The following CARMIL1 variants were observed in gnomAD, a reference collection of about 807,000 sequenced individuals.
CARMIL1 encodes F-actin-uncapping protein LRRC16A.
In CARMIL1, 90 loss-of-function variants were observed where a neutral mutation model predicts 177.1. That is an observed-to-expected ratio of 0.51 (90% CI 0.43 to 0.61). The LOEUF is 0.61. CARMIL1 is among the 20% of genes least tolerant of loss of function. CARMIL1 has a pLI of 0.00. For synonymous variants in CARMIL1, 577 were observed against 606.2 expected, an observed-to-expected ratio of 0.95 and a Z score of 0.71; for missense variants, 1,380 against 1,667.0, an observed-to-expected ratio of 0.83 and a Z score of 3.00.
At position 25,577,207 on chromosome 6, in the gene CARMIL1, C is replaced by G. The variant is rs1812667746; in HGVS notation, c.2743-3717C>G. Reference sequence around the variant, plus strand: ...AACAGGCGATGAATTTAAAATATCTCCAGCCATGTGCCTGAAAGCAAGCAG... The same window carrying G: ...AACAGGCGATGAATTTAAAATATCTGCAGCCATGTGCCTGAAAGCAAGCAG... On this transcript the variant is annotated intron_variant, in intron 29 of 36. Coordinates refer to ENST00000329474, the MANE Select transcript of CARMIL1 (RefSeq NM_017640.6). The surrounding 1 kb of genome is among the most constrained non-coding windows in gnomAD (Gnocchi z 4.5). 1.3e-6 allele frequency: 1 copy of G among 788,190 alleles called. No homozygotes were observed. The highest frequency in any genetic ancestry group is 5.8e-5 in the South Asian group (1 of 17,310). 48.8% of individuals were successfully genotyped at this position (788,190 alleles called of 1,614,324 possible). A position where few individuals can be genotyped will look rare whatever the true frequency, so the allele number is the denominator to read the frequency against.
At chr6:25,548,932 T>C (rs1809790011) in intron 26 of CARMIL1, among the ~76,000 whole-genome samples, 1 of 152,170 alleles carries the variant, frequency 6.6e-6, no homozygotes, top group Non-Finnish European at 1.5e-5. Context: ...AGAGTTGTCA[T>C]GTGGATGAAA....
intron 2 of CARMIL1, among the ~76,000 whole-genome samples, chr6:25,291,690 G>T (rs767970488): frequency 1.3e-5 from 2 of 152,112 alleles, no homozygotes; most frequent in Non-Finnish European, 2.9e-5. Context: ...AATGTTTTGG[G>T]ATTGTATTTT....
intron 2 of CARMIL1, among the ~76,000 whole-genome samples, chr6:25,397,504 G>C (rs1422648741): frequency 1.3e-5 from 2 of 152,200 alleles, no homozygotes; most frequent in African/African-American, 4.8e-5. Flanking sequence ...AAGGGGTAGA[G>C]GGTAAGCAAT....
intron 2 of CARMIL1, among the ~76,000 whole-genome samples, chr6:25,329,235 G>T (rs1398651342): frequency 2.6e-5 from 4 of 152,098 alleles, no homozygotes; most frequent in Non-Finnish European, 4.4e-5. Flanking sequence ...AAAAAAGAAA[G>T]TTGGATCTGG....
At position 25,495,301 on chromosome 6, in the gene CARMIL1, A is replaced by C. The variant is rs983422862; in HGVS notation, c.1325+86A>C. 7 of 894,198 alleles carry C rather than the reference A, an allele frequency of 7.8e-6. No individual in the cohort carries two copies. In the South Asian group the frequency reaches 1.1e-4, roughly 14 times the overall value. The allele number at this position is 894,198 out of a possible 1,614,324, so 55.4% of individuals were successfully genotyped here. On this transcript the variant is annotated intron_variant, in intron 16 of 36. Transcript: ENST00000329474. The stretch of plus-strand genomic sequence containing the variant: ...CTTGAGGGAAGGGAGAAAGATATAT[A>C]ATCCAAAGACAAAAACCACAGATGA...
chr6:25,374,911 T>A (rs962888441), intron 2 of CARMIL1, among the ~76,000 whole-genome samples: 14 of 152,208 alleles, frequency 9.2e-5, no homozygotes, highest in Admixed American at 2.0e-4. Context: ...ATAAGAATCC[T>A]TTCATGTTAG....
chr6:25,279,534 G>A lies in CARMIL1; in HGVS notation c.-262G>A, dbSNP rs548322408. ...CCCGCGCCCGCTTGTAATCCGGTCCGCTCCTTATTCAGCCGCCGGGAACTG... is the reference window on the plus strand; with the variant it reads ...CCCGCGCCCGCTTGTAATCCGGTCCACTCCTTATTCAGCCGCCGGGAACTG... On this transcript the variant is annotated 5_prime_UTR_variant, in exon 1 of 37. Transcript: ENST00000329474. The A allele has an allele frequency of 7.6e-3, 4,214 of 555,766 alleles. 27 individuals carry two copies. Among genetic ancestry groups the A allele is most frequent in the Middle Eastern group, 0.014 (28 of 2,042 alleles). 34.4% of individuals were successfully genotyped at this position (555,766 alleles called of 1,614,324 possible).
At chr6:25,569,774 TCTC>T (rs1429034752) in intron 29 of CARMIL1, among the ~76,000 whole-genome samples, 5 of 152,192 alleles carry the variant, frequency 3.3e-5, no homozygotes, top group African/African-American at 1.2e-4. Flanking sequence ...ATTTAAGTCT[TCTC>T]CTAAACTCCT....
intron 5 of CARMIL1, among the ~76,000 whole-genome samples, chr6:25,436,016 A>C (rs569678654): frequency 6.6e-6 from 1 of 152,086 alleles, no homozygotes; most frequent in Admixed American, 6.6e-5. Context: ...TTGCTTTTTT[A>C]TTTTCAGGAA....
In CARMIL1 at chr6:25,326,863, G is replaced by A. The variant is rs142780755; in HGVS notation, c.138+41954G>A. Among the ~76,000 whole-genome samples the A allele has an allele frequency of 2.6e-3, 397 of 152,188 alleles. 3 individuals are homozygous for A. Among genetic ancestry groups the A allele is most frequent in the African/African-American group, 9.1e-3 (379 of 41,520 alleles). ...CAAGACGGAATCCCACTGTCACCCA[G>A]GCTGGAGTGCAGTGGCATGATCTTG... On this transcript the variant is annotated intron_variant, in intron 2 of 36. Transcript: ENST00000329474. The surrounding 1 kb of genome is among the most constrained non-coding windows in gnomAD (Gnocchi z 4.2).
At chr6:25,528,180 T>A (rs1807356602) in intron 23 of CARMIL1, among the ~76,000 whole-genome samples, 1 of 152,208 alleles carries the variant, frequency 6.6e-6, no homozygotes, top group African/African-American at 2.4e-5. Context: ...ATCTATTTTT[T>A]ATTTGCTATA....
chr6:25,461,979 T>C (rs2150908956), intron 8 of CARMIL1, among the ~76,000 whole-genome samples: 1 of 152,348 alleles, frequency 6.6e-6, no homozygotes, highest in Middle Eastern at 3.4e-3. Context: ...ATATCTTATT[T>C]AGTGAAGTGT....
rs190589697 is a variant in CARMIL1, at chr6:25,330,638, G to A, written c.138+45729G>A. 2.6e-3 allele frequency among the ~76,000 whole-genome samples: 393 copies of A among 150,668 alleles called. 2 individuals are homozygous for A. Among genetic ancestry groups the A allele is most frequent in the African/African-American group, 8.8e-3 (360 of 40,938 alleles). On this transcript the variant is annotated intron_variant, in intron 2 of 36. Transcript: ENST00000329474. ...GAGGATCACTTGAGCTCAGGAGTTC[G>A]AGACCAGCCTGGGCAACATAGTGAG...
chr6:25,456,703 A>G (rs1310585119), intron 8 of CARMIL1, among the ~76,000 whole-genome samples: 1 of 152,204 alleles, frequency 6.6e-6, no homozygotes, highest in African/African-American at 2.4e-5. Flanking sequence ...AAGAAAATAT[A>G]TAGCTTTAAC....
chr6:25,610,123 C>T lies in CARMIL1; in HGVS notation c.3921C>T (p.Asp1307=). 6.2e-7 allele frequency: 1 copy of T among 1,613,870 alleles called. No homozygotes were observed. Among genetic ancestry groups the T allele is most frequent in the South Asian group, 1.1e-5 (1 of 91,062 alleles). ...CTGTCCTGAAAAAAGTTCCTTCAGACAAAGAGAGAGATGGCCAGAGTAGCC... is the reference window on the plus strand; with the variant it reads ...CTGTCCTGAAAAAAGTTCCTTCAGATAAAGAGAGAGATGGCCAGAGTAGCC... The part of the protein sequence containing the change: ...LPPVLKKVPS[D]KERDGQSSPQ... The change falls in exon 36 of 37, where the codon GAC becomes GAT. Residue 1307 remains aspartate (D), a synonymous_variant. Transcript: ENST00000329474.
chr6:25,316,204 A>G (rs1202188187), intron 2 of CARMIL1, among the ~76,000 whole-genome samples: 1 of 152,220 alleles, frequency 6.6e-6, no homozygotes, highest in Non-Finnish European at 1.5e-5. Flanking sequence ...ATTACTGTAA[A>G]ACAGGTTAAA....
intron 8 of CARMIL1, among the ~76,000 whole-genome samples, chr6:25,461,354 A>G (rs1194878570): frequency 1.3e-5 from 2 of 152,200 alleles, no homozygotes; most frequent in Non-Finnish European, 1.5e-5. Flanking sequence ...TGTTCTGGTT[A>G]TCTATTGCTA....
At position 25,409,574 on chromosome 6, in the gene CARMIL1, C is replaced by T. The variant is rs535971719; in HGVS notation, c.139-10540C>T. 2.4e-4 allele frequency among the ~76,000 whole-genome samples: 36 copies of T among 152,284 alleles called. 1 individual carries two copies. The highest frequency in any genetic ancestry group is 8.2e-4 in the African/African-American group (34 of 41,568). ...ACTCTAAAGCTCATGTTCTTGCCAT[C>T]TTACCAGCTGCCTCATCCTCATCTA... On this transcript the variant is annotated intron_variant, in intron 2 of 36. Transcript: ENST00000329474.
chr6:25,421,455 A>T (rs1795845163), intron 3 of CARMIL1, among the ~76,000 whole-genome samples: 1 of 152,206 alleles, frequency 6.6e-6, no homozygotes, highest in African/African-American at 2.4e-5. Flanking sequence ...CCACTGTGGA[A>T]GTCAGTGTGG....
Sources: allele counts gnomAD v4.1 joint callset (sites outside exome capture counted in the v4.1 genomes callset), GRCh38; gene constraint gnomAD v4.1.1; non-coding constraint Gnocchi (gnomAD v3.1); transcripts MANE v1.5; gene names NCBI Gene and HGNC (gene_info 2026-07-23, HGNC 2026-07-21).